The following VIT variants were observed in gnomAD, a reference collection of about 807,000 sequenced individuals.
VIT encodes vitrin.
Under a neutral mutation model 78.0 loss-of-function variants are expected in VIT, and 99 were observed. The observed-to-expected ratio is 1.27, with a 90% CI of 1.08 to 1.50. The LOEUF (loss-of-function observed/expected upper bound fraction) is 1.50, where lower values mean the gene tolerates loss of function less well. Ranked by LOEUF, VIT falls within the 40% of genes most tolerant of loss-of-function variation. The pLI is 0.00. For synonymous variants in VIT, 374 were observed against 334.3 expected (o/e 1.12, Z -1.29); for missense variants, 1,126 against 875.3 (o/e 1.29, Z -3.61).
chr2:36,746,135 C>T (rs1252334202), intron 4 of VIT, among the ~76,000 whole-genome samples: 1 of 152,116 alleles, frequency 6.6e-6, no homozygotes, highest in Non-Finnish European at 1.5e-5. Flanking sequence ...TTGAACCAAC[C>T]TTGCATCCCA....
intron 2 of VIT, among the ~76,000 whole-genome samples, chr2:36,724,682 T>C (rs559132519): frequency 4.6e-5 from 7 of 152,328 alleles, no homozygotes; most frequent in Non-Finnish European, 1.0e-4. Context: ...AATGACTTTA[T>C]TAATTACTGC....
intron 13 of VIT, among the ~76,000 whole-genome samples, chr2:36,803,763 G>C (rs1217870325): frequency 6.6e-6 from 1 of 152,186 alleles, no homozygotes; most frequent in Non-Finnish European, 1.5e-5. Context: ...AATGCATTGA[G>C]TATAATACTA....
intron 6 of VIT, among the ~76,000 whole-genome samples, chr2:36,766,394 T>A (rs1451495816): frequency 6.6e-6 from 1 of 152,120 alleles, no homozygotes; most frequent in Non-Finnish European, 1.5e-5. Flanking sequence ...TAGGCAGGTA[T>A]GGTGTCTTGC....
chr2:36,814,516 A>G lies in VIT; in HGVS notation c.*155A>G, dbSNP rs559143330. ...TTATTCTTTGCCATCATGCTTTTTC[A>G]TATTCCAAAACTTGGAGTTACAAAG... On this transcript the variant is annotated 3_prime_UTR_variant, in exon 16 of 16. Transcript: ENST00000379242. 2.4e-5 allele frequency: 24 copies of G among 985,456 alleles called. No individual in the cohort carries two copies. The highest frequency in any genetic ancestry group is 6.5e-5 in the African/African-American group (4 of 61,250). 61.0% of individuals were successfully genotyped at this position (985,456 alleles called of 1,614,324 possible).
intron 7 of VIT, among the ~76,000 whole-genome samples, chr2:36,771,481 G>A (rs1462286885): frequency 3.3e-5 from 5 of 149,844 alleles, no homozygotes; most frequent in South Asian, 2.1e-4. Flanking sequence ...AGCCGAGGTC[G>A]TGCCACTGCA....
chr2:36,757,872 A>AAAACAG (rs1037987992), intron 5 of VIT, among the ~76,000 whole-genome samples: 1 of 152,220 alleles, frequency 6.6e-6, no homozygotes, highest in African/African-American at 2.4e-5. Context: ...AATTAAAGGT[A>AAAACAG]AAACAGAAAC....
intron 1 of VIT, among the ~76,000 whole-genome samples, chr2:36,706,145 C>T (rs990627487): frequency 3.3e-5 from 5 of 152,166 alleles, no homozygotes; most frequent in Non-Finnish European, 7.3e-5. Context: ...TCAGTGGCTG[C>T]GACAGCTCAC....
At chr2:36,778,950 A>G (rs1670232656) in intron 9 of VIT, among the ~76,000 whole-genome samples, 1 of 152,224 alleles carries the variant, frequency 6.6e-6, no homozygotes, top group Non-Finnish European at 1.5e-5. Context: ...TCTGTCTTAT[A>G]AAATTTGAGA....
chr2:36,775,836 A>G (rs570874927), intron 9 of VIT, among the ~76,000 whole-genome samples: 85 of 152,270 alleles, frequency 5.6e-4, no homozygotes, highest in Middle Eastern at 3.4e-3. Context: ...TAGACTAGCT[A>G]TGAAGCTCCA....
At chr2:36,772,238 T>C (rs1370468455) in intron 7 of VIT, among the ~76,000 whole-genome samples, 1 of 151,222 alleles carries the variant, frequency 6.6e-6, no homozygotes, top group African/African-American at 2.4e-5. Flanking sequence ...GCAAGACCCC[T>C]GACTCTACAA....
intron 4 of VIT, among the ~76,000 whole-genome samples, chr2:36,746,618 T>C (rs994316872): frequency 6.6e-5 from 10 of 152,176 alleles, no homozygotes; most frequent in Non-Finnish European, 1.3e-4. Flanking sequence ...TGAAGAACTT[T>C]TGTATTTCTG....
intron 2 of VIT, among the ~76,000 whole-genome samples, chr2:36,719,578 T>C (rs1002445057): frequency 2.9e-5 from 3 of 102,228 alleles, no homozygotes; most frequent in Non-Finnish European, 4.5e-5. Flanking sequence ...TACGATAGTA[T>C]CAAAAAAAAA....
chr2:36,750,442 C>G (rs1668387041), intron 4 of VIT, among the ~76,000 whole-genome samples: 1 of 152,168 alleles, frequency 6.6e-6, no homozygotes, highest in Admixed American at 6.5e-5. Context: ...TCCTCTGGCA[C>G]TTGCTGGGTC....
chr2:36,723,154 A>T (rs1301078554), intron 2 of VIT, among the ~76,000 whole-genome samples: 1 of 152,126 alleles, frequency 6.6e-6, no homozygotes, highest in Non-Finnish European at 1.5e-5. Context: ...AGAGCTGAAC[A>T]CTTCACAGGT....
At chr2:36,771,267 C>A (rs377301633) in intron 7 of VIT, among the ~76,000 whole-genome samples, 1 of 152,146 alleles carries the variant, frequency 6.6e-6, no homozygotes, top group South Asian at 2.1e-4. Context: ...CGGTGGCTCA[C>A]GCCTGTAATC....
chr2:36,775,145 A>T, intron 9 of VIT, 78 bp downstream of exon 9: 1 of 1,542,070 alleles, frequency 6.5e-7, no homozygotes, highest in East Asian at 2.3e-5. Context: ...GGACCTCCCC[A>T]CACACTTGTT....
chr2:36,721,374 C>T (rs1320384254), intron 2 of VIT, among the ~76,000 whole-genome samples: 4 of 152,128 alleles, frequency 2.6e-5, no homozygotes, highest in Non-Finnish European at 5.9e-5. Flanking sequence ...CATGTGTCTG[C>T]CTCCCTGCCA....
intron 6 of VIT, among the ~76,000 whole-genome samples, chr2:36,766,458 A>C (rs1474315750): frequency 6.6e-6 from 1 of 152,140 alleles, no homozygotes; most frequent in Non-Finnish European, 1.5e-5. Flanking sequence ...TGTACCCCAG[A>C]AGTTCGAGGC....
chr2:36,754,566 T>C (rs1014839067), intron 4 of VIT, among the ~76,000 whole-genome samples: 1 of 152,190 alleles, frequency 6.6e-6, no homozygotes, highest in Non-Finnish European at 1.5e-5. Flanking sequence ...ATTCATTCTG[T>C]GCCATCACAA....
Sources: allele counts gnomAD v4.1 joint callset (sites outside exome capture counted in the v4.1 genomes callset), GRCh38; gene constraint gnomAD v4.1.1; transcripts MANE v1.5; gene names NCBI Gene and HGNC (gene_info 2026-07-23, HGNC 2026-07-21).